Variants in CDH11 observed in about 807,000 individuals in gnomAD.
CDH11 encodes cadherin-11.
A neutral mutation model predicts 67.8 loss-of-function variants in CDH11; 11 were observed. The observed-to-expected ratio is 0.16, with a 90% CI of 0.10 to 0.27. The LOEUF (loss-of-function observed/expected upper bound fraction) is 0.27, where lower values mean the gene tolerates loss of function less well. CDH11 is among the 10% of genes least tolerant of loss of function. The pLI is 1.00. For missense variants in CDH11, 847 were observed against 1,031.2 expected, an observed-to-expected ratio of 0.82 and a Z score of 2.45; for synonymous variants, 419 against 400.0, an observed-to-expected ratio of 1.05 and a Z score of -0.57.
intron 2 of CDH11, among the ~76,000 whole-genome samples, chr16:65,025,036 C>G (rs768309190): frequency 2.0e-5 from 3 of 152,210 alleles, no homozygotes; most frequent in Non-Finnish European, 4.4e-5. Flanking sequence ...AGTCCAGCAG[C>G]AGGTTAGTGA....
rs530502885 is a variant in CDH11 at position 65,016,581 on chromosome 16, C to T, written c.-172-11540G>A. On this transcript the variant is annotated intron_variant, in intron 2 of 12. Coordinates refer to ENST00000268603, the MANE Select transcript of CDH11 (RefSeq NM_001797.4). ...ACTTGCCTGACAGAAATATCTATTG[C>T]TCCAAATGCATTTCTGGAAAAAGAA... Among the ~76,000 whole-genome samples, 458 of 152,256 alleles carry T rather than the reference C, an allele frequency of 3.0e-3. 1 individual carries two copies. Among genetic ancestry groups the T allele is most frequent in the African/African-American group, 0.01 (434 of 41,548 alleles).
At chr16:64,998,484 TG>T in intron 4 of CDH11, 77 bp downstream of exon 4, 4 of 1,344,246 alleles carry the variant, frequency 3.0e-6, no homozygotes, top group Non-Finnish European at 2.1e-6. Flanking sequence ...CTTCCTGATT[TG>T]GGAGAACGGG....
At chr16:65,108,940 A>T (rs2075111624) in intron 1 of CDH11, among the ~76,000 whole-genome samples, 2 of 152,142 alleles carry the variant, frequency 1.3e-5, no homozygotes, top group Non-Finnish European at 2.9e-5. Flanking sequence ...TGAGGTCAAG[A>T]GTTCGAGACC....
chr16:64,950,906 G>A lies in CDH11; in HGVS notation c.1755C>T (p.Thr585=). ...CGCAGACTTTGATGGTGAGGGTGTTGGTGCTACTCATGGGCGGGATGCCGC... is the reference window on the plus strand; with the variant it reads ...CGCAGACTTTGATGGTGAGGGTGTTAGTGCTACTCATGGGCGGGATGCCGC... ...SDGGIPPMSS[T]NTLTIKVCGC... The change falls in exon 12 of 13, where the codon ACC becomes ACT. Residue 585 remains threonine, a synonymous_variant. Coordinates refer to ENST00000268603, the MANE Select transcript of CDH11 (RefSeq NM_001797.4). 1 of 1,614,240 alleles carries A rather than the reference G, an allele frequency of 6.2e-7. No individual in the cohort carries two copies.
intron 2 of CDH11, among the ~76,000 whole-genome samples, chr16:65,043,217 AAT>A (rs1024581547): frequency 6.6e-6 from 1 of 152,198 alleles, no homozygotes; most frequent in Non-Finnish European, 1.5e-5. Context: ...CAGTGAAAAC[AAT>A]GGAGGAACAA....
upstream of CDH11, chr16:65,122,121 C>A: frequency 1.9e-4 from 28 of 144,518 alleles, no homozygotes; most frequent in South Asian, 7.8e-4. Context: ...GGCGGGCGGG[C>A]AGGCGGGTGC....
chr16:65,089,500 T>C (rs547442047), intron 1 of CDH11, among the ~76,000 whole-genome samples: 44 of 152,196 alleles, frequency 2.9e-4, no homozygotes, highest in Non-Finnish European at 6.2e-4. Context: ...TAATTATGTG[T>C]GACTTACTCT....
intron 1 of CDH11, among the ~76,000 whole-genome samples, chr16:65,069,088 C>T (rs949743203): frequency 1.3e-5 from 2 of 152,138 alleles, no homozygotes; most frequent in Admixed American, 6.5e-5. Flanking sequence ...CCCATATTGC[C>T]AACAAGAAAC....
At chr16:64,964,610 C>G (rs1010328191) in intron 11 of CDH11, among the ~76,000 whole-genome samples, 1 of 151,526 alleles carries the variant, frequency 6.6e-6, no homozygotes, top group Non-Finnish European at 1.5e-5. Flanking sequence ...GTGCAGTGGC[C>G]CCATCTCGGC....
chr16:65,003,485 G>A (rs946739651), intron 3 of CDH11, among the ~76,000 whole-genome samples: 1 of 152,122 alleles, frequency 6.6e-6, no homozygotes, highest in African/African-American at 2.4e-5. Context: ...TTGAACTCCT[G>A]ACATCCCGTG....
intron 1 of CDH11, among the ~76,000 whole-genome samples, chr16:65,067,496 T>C (rs2074332939): frequency 6.6e-6 from 1 of 152,234 alleles, no homozygotes; most frequent in African/African-American, 2.4e-5. Context: ...TTGTTGCTCA[T>C]TCATTCATTC....
chr16:65,074,793 T>G (rs2142779136), intron 1 of CDH11, among the ~76,000 whole-genome samples: 1 of 152,234 alleles, frequency 6.6e-6, no homozygotes, highest in South Asian at 2.1e-4. Context: ...AGACCCACAT[T>G]CAAAATAGTA....
chr16:65,099,349 T>C (rs1008618816), intron 1 of CDH11, among the ~76,000 whole-genome samples: 1 of 152,204 alleles, frequency 6.6e-6, no homozygotes, highest in African/African-American at 2.4e-5. Flanking sequence ...ATGTGGTACA[T>C]GTTGTTTTTC....
At chr16:64,994,216 C>A (rs371326536) in intron 4 of CDH11, among the ~76,000 whole-genome samples, 71 of 152,240 alleles carry the variant, frequency 4.7e-4, no homozygotes, top group African/African-American at 1.6e-3. Flanking sequence ...GAAACAATCT[C>A]TTTGGAGCTC....
intron 1 of CDH11, among the ~76,000 whole-genome samples, chr16:65,069,547 G>A (rs1282971783): frequency 1.3e-5 from 2 of 152,094 alleles, no homozygotes; most frequent in Admixed American, 1.3e-4. Context: ...TACAAATACC[G>A]ATACCTGAGC....
intron 2 of CDH11, among the ~76,000 whole-genome samples, chr16:65,043,130 C>T (rs900759511): frequency 6.6e-6 from 1 of 152,190 alleles, no homozygotes; most frequent in South Asian, 2.1e-4. Flanking sequence ...TCCTTGTAAC[C>T]AGAGGTCCTT....
rs2071300259 is a variant in CDH11, at chr16:64,949,567, C to A, written c.1894+1200G>T. 2.0e-5 allele frequency among the ~76,000 whole-genome samples: 3 copies of A among 151,970 alleles called. No homozygotes were observed. The South Asian group carries it at 6.2e-4, about 32-fold the overall frequency. ...TCAGCCTCCCAAGTAGCTGGGATTA[C>A]AGGCATGCACCAACACACCTGAATA... On this transcript the variant is annotated intron_variant, in intron 12 of 12. Coordinates refer to ENST00000268603, the MANE Select transcript of CDH11 (RefSeq NM_001797.4).
At chr16:65,118,626 A>C (rs2075280828) in intron 1 of CDH11, among the ~76,000 whole-genome samples, 1 of 152,220 alleles carries the variant, frequency 6.6e-6, no homozygotes, top group African/African-American at 2.4e-5. Context: ...AAATCATCCC[A>C]AACACATTTC....
intron 3 of CDH11, among the ~76,000 whole-genome samples, chr16:64,999,475 T>C (rs2072860929): frequency 6.6e-6 from 1 of 152,216 alleles, no homozygotes; most frequent in Non-Finnish European, 1.5e-5. Context: ...CATTTATAAC[T>C]ATAGATCTTC....
Sources: allele counts gnomAD v4.1 joint callset (sites outside exome capture counted in the v4.1 genomes callset), GRCh38; gene constraint gnomAD v4.1.1; transcripts MANE v1.5; gene names NCBI Gene and HGNC (gene_info 2026-07-23, HGNC 2026-07-21).